Variants in ARHGAP15 observed in about 807,000 individuals in gnomAD.
ARHGAP15 encodes the protein rho GTPase-activating protein 15.
In ARHGAP15, 51 loss-of-function variants were observed where a neutral mutation model predicts 63.7. The observed-to-expected ratio is 0.80, with a 90% CI of 0.64 to 1.01. The LOEUF is 1.01. ARHGAP15 is among the 50% of genes least tolerant of loss of function. The pLI, the probability that ARHGAP15 is intolerant of heterozygous loss-of-function variation, is 0.00. For missense variants in ARHGAP15, 560 were observed against 564.6 expected, an observed-to-expected ratio of 0.99 and a Z score of 0.08; for synonymous variants, 191 against 193.8, an observed-to-expected ratio of 0.99 and a Z score of 0.12.
chr2:143,204,850 C>T (rs536797931), intron 3 of ARHGAP15, among the ~76,000 whole-genome samples: 1 of 152,044 alleles, frequency 6.6e-6, no homozygotes, highest in African/African-American at 2.4e-5. Context: ...ATATTTGGTG[C>T]CCAGAAATTT....
chr2:143,237,274 C>G (rs1420083527), intron 5 of ARHGAP15: 2 of 152,026 alleles, frequency 1.3e-5, no homozygotes, highest in Non-Finnish European at 2.9e-5. Flanking sequence ...AAAATTTATG[C>G]AAATAGATGT....
At chr2:143,324,855 G>A (rs1684182418) in intron 6 of ARHGAP15, among the ~76,000 whole-genome samples, 1 of 152,132 alleles carries the variant, frequency 6.6e-6, no homozygotes, top group Admixed American at 6.5e-5. Context: ...TCATCACTCT[G>A]TGGTAAACCT....
intron 12 of ARHGAP15, chr2:143,683,044 A>G (rs879321966): frequency 1.3e-5 from 2 of 152,234 alleles, no homozygotes; most frequent in East Asian, 1.9e-4. Context: ...CCCACAAACT[A>G]AAGTATTGCC....
At position 143,699,198 on chromosome 2, in the gene ARHGAP15, G is replaced by T. The variant is rs1683978610; in HGVS notation, c.1139-4221G>T. On this transcript the variant is annotated intron_variant, in intron 12 of 13. Transcript: ENST00000295095. ...AGATGTTTCTCCACTTGAAGTGTTT[G>T]TGTTATTTCCTGATTTTACAAGCTA... is the stretch of plus-strand genomic sequence containing the variant. 2.6e-5 allele frequency among the ~76,000 whole-genome samples: 4 copies of T among 152,180 alleles called. No individual in the cohort carries two copies. In the South Asian group the frequency reaches 8.3e-4, roughly 32 times the overall value.
intron 2 of ARHGAP15, among the ~76,000 whole-genome samples, chr2:143,198,270 A>T (rs765432786): frequency 6.6e-6 from 1 of 151,968 alleles, no homozygotes; most frequent in Non-Finnish European, 1.5e-5. Context: ...CTTTGTATAA[A>T]TTTCTCAATT....
intron 6 of ARHGAP15, among the ~76,000 whole-genome samples, chr2:143,263,543 A>G (rs1217810518): frequency 6.6e-6 from 1 of 151,996 alleles, no homozygotes; most frequent in African/African-American, 2.4e-5. Flanking sequence ...TGGCCACTCC[A>G]CTCATGGGCC....
intron 11 of ARHGAP15, among the ~76,000 whole-genome samples, chr2:143,584,188 TC>T (rs1421470078): frequency 6.6e-6 from 1 of 152,142 alleles, no homozygotes; most frequent in Admixed American, 6.5e-5. Context: ...GGCCAGATAA[TC>T]AGCAGTAAAG....
At chr2:143,352,375 C>T (rs2105317181) in intron 6 of ARHGAP15, among the ~76,000 whole-genome samples, 1 of 152,274 alleles carries the variant, frequency 6.6e-6, no homozygotes, top group East Asian at 1.9e-4. Flanking sequence ...TCTCTACCTT[C>T]TAGAGTCATT....
rs79619718 is a variant in ARHGAP15, at chr2:143,504,226, T to A, written c.827-15040T>A. On this transcript the variant is annotated intron_variant, in intron 9 of 13. Coordinates refer to ENST00000295095, the MANE Select transcript of ARHGAP15 (RefSeq NM_018460.4). ...GCTTAGGAGTTTGTATTCTACTTTATAGGCAATTTTGTTATTCATTTAATA... is the reference window on the plus strand; with the variant it reads ...GCTTAGGAGTTTGTATTCTACTTTAAAGGCAATTTTGTTATTCATTTAATA... Among the ~76,000 whole-genome samples the A allele has an allele frequency of 8.0e-3, 1,225 of 152,362 alleles. 15 individuals carry two copies. The highest frequency in any genetic ancestry group is 0.028 in the African/African-American group (1,172 of 41,584).
At chr2:143,276,353 G>T (rs1681548511) in intron 6 of ARHGAP15, among the ~76,000 whole-genome samples, 1 of 152,282 alleles carries the variant, frequency 6.6e-6, no homozygotes, top group African/African-American at 2.4e-5. Flanking sequence ...TTAAATGAAA[G>T]AATTTACAGA....
intron 8 of ARHGAP15, among the ~76,000 whole-genome samples, chr2:143,450,015 A>T (rs1235185968): frequency 6.6e-6 from 1 of 150,892 alleles, no homozygotes; most frequent in African/African-American, 2.4e-5. Flanking sequence ...TACCTTTCTT[A>T]CTTTAAGACA....
At chr2:143,729,642 GTGAAAAACAAAT>G (rs1685440217) in intron 13 of ARHGAP15, among the ~76,000 whole-genome samples, 1 of 152,132 alleles carries the variant, frequency 6.6e-6, no homozygotes, top group African/African-American at 2.4e-5. Flanking sequence ...TATGAGATCT[GTGAAAAACAAAT>G]TTTCACCTTA....
chr2:143,297,741 A>G (rs1558874204), intron 6 of ARHGAP15, among the ~76,000 whole-genome samples: 1 of 152,022 alleles, frequency 6.6e-6, no homozygotes, highest in Non-Finnish European at 1.5e-5. Context: ...AACCATGGAA[A>G]CTAAGAAGAG....
At chr2:143,319,137 C>T (rs1683874302) in intron 6 of ARHGAP15, among the ~76,000 whole-genome samples, 1 of 151,900 alleles carries the variant, frequency 6.6e-6, no homozygotes, top group Non-Finnish European at 1.5e-5. Flanking sequence ...TATATATTTT[C>T]AATGCTCTTA....
intron 6 of ARHGAP15, among the ~76,000 whole-genome samples, chr2:143,310,286 C>T (rs1418292448): frequency 1.3e-5 from 2 of 151,994 alleles, no homozygotes; most frequent in African/African-American, 2.4e-5. Flanking sequence ...TAAAAGCTGA[C>T]ATTTTTGCAA....
chr2:143,518,571 G>T (rs983382150), intron 9 of ARHGAP15, among the ~76,000 whole-genome samples: 1 of 152,188 alleles, frequency 6.6e-6, no homozygotes, highest in African/African-American at 2.4e-5. Flanking sequence ...AGAACCTAAT[G>T]ATGTGAAACC....
intron 3 of ARHGAP15, among the ~76,000 whole-genome samples, chr2:143,213,554 C>T (rs1371017895): frequency 6.6e-6 from 1 of 152,098 alleles, no homozygotes; most frequent in Non-Finnish European, 1.5e-5. Flanking sequence ...AAAATAAACA[C>T]CTGATCTCAG....
intron 9 of ARHGAP15, among the ~76,000 whole-genome samples, chr2:143,516,660 G>C (rs1316115792): frequency 6.6e-6 from 1 of 152,102 alleles, no homozygotes; most frequent in Non-Finnish European, 1.5e-5. Flanking sequence ...CCATTAATGG[G>C]TTTTTTACTT....
intron 12 of ARHGAP15, among the ~76,000 whole-genome samples, chr2:143,625,683 C>T (rs1402150373): frequency 1.3e-5 from 2 of 152,176 alleles, no homozygotes; most frequent in African/African-American, 4.8e-5. Context: ...TCCATAACAG[C>T]TTTTTCTGAT....
Sources: allele counts gnomAD v4.1 joint callset (sites outside exome capture counted in the v4.1 genomes callset), GRCh38; gene constraint gnomAD v4.1.1; transcripts MANE v1.5; gene names NCBI Gene and HGNC (gene_info 2026-07-23, HGNC 2026-07-21).